MYO16: variants seen among roughly 807,000 people sequenced by gnomAD.
The protein encoded by MYO16 is myosin XVI.
Under a neutral mutation model 205.3 loss-of-function variants are expected in MYO16, and 94 were observed. The observed-to-expected ratio is 0.46, with a 90% CI of 0.39 to 0.54. The LOEUF (loss-of-function observed/expected upper bound fraction) is 0.54. MYO16 is among the 20% of genes least tolerant of loss of function. MYO16 has a pLI of 0.00. For synonymous variants in MYO16, 988 were observed against 954.0 expected (o/e 1.04, Z -0.66); for missense variants, 2,315 against 2,387.5 (o/e 0.97, Z 0.63).
chr13:108,869,731 T>TAAAAAAAAAAAAAAAAAA (rs68025820), intron 12 of MYO16, among the ~76,000 whole-genome samples: 3 of 67,024 alleles, frequency 4.5e-5, no homozygotes, highest in Non-Finnish European at 8.4e-5. Context: ...ACTCCGTTTC[T>TAAAAAAAAAAAAAAAAAA]AAAAAAAAAA....
chr13:108,605,064 G>C (rs1878901978), intron 1 of MYO16, among the ~76,000 whole-genome samples: 1 of 152,208 alleles, frequency 6.6e-6, no homozygotes, highest in Non-Finnish European at 1.5e-5. Flanking sequence ...CATATCGGTA[G>C]TGGCAATGGG....
At chr13:109,023,631 A>C (rs1203779291) in intron 23 of MYO16, among the ~76,000 whole-genome samples, 1 of 119,636 alleles carries the variant, frequency 8.4e-6, no homozygotes. Flanking sequence ...ATATATAGAC[A>C]AATATATATA....
chr13:109,121,572 C>T (rs1237184257), intron 29 of MYO16, among the ~76,000 whole-genome samples: 1 of 152,244 alleles, frequency 6.6e-6, no homozygotes, highest in East Asian at 1.9e-4. Flanking sequence ...TCTCAGTACA[C>T]ATTCTTTGTG....
At chr13:109,018,899 T>C (rs7339078) in intron 22 of MYO16, among the ~76,000 whole-genome samples, 2,593 of 151,788 alleles carry the variant, frequency 0.017, 80 homozygotes, top group African/African-American at 0.06. Flanking sequence ...CTGTCTTCTG[T>C]GTCAATCACA....
At chr13:108,654,224 G>C (rs1031353516) in intron 1 of MYO16, among the ~76,000 whole-genome samples, 4 of 152,132 alleles carry the variant, frequency 2.6e-5, no homozygotes, top group African/African-American at 9.7e-5. Flanking sequence ...TTCCCACCCA[G>C]TTCTCATCTT....
rs113515448 is a variant in MYO16 at position 109,080,966 on chromosome 13, A to C, written c.3336-19819A>C. Reference sequence around the variant, plus strand: ...TTCAATTTCAGTGATCAGAGAAATTATACATAATATCATACTAACAATATT... The same window carrying C: ...TTCAATTTCAGTGATCAGAGAAATTCTACATAATATCATACTAACAATATT... On this transcript the variant is annotated intron_variant, in intron 27 of 34. Coordinates refer to ENST00000457511, the MANE Select transcript of MYO16 (RefSeq NM_001198950.3). 4.6e-3 allele frequency among the ~76,000 whole-genome samples: 703 copies of C among 152,312 alleles called. 6 individuals carry two copies. Among genetic ancestry groups the C allele is most frequent in the African/African-American group, 0.016 (670 of 41,568 alleles).
At position 108,999,201 on chromosome 13, in the gene MYO16, TTGTC is replaced by T. The variant is rs573583320; in HGVS notation, c.2442+6756_2442+6759del. On this transcript the variant is annotated intron_variant, in intron 21 of 34. Coordinates refer to ENST00000457511, the MANE Select transcript of MYO16 (RefSeq NM_001198950.3). The stretch of plus-strand genomic sequence containing the variant: ...ATAGCTATTAGATATCAATATTGAT[TTGTC>T]TGCTGATCAATTGATACACAAATAT... 2.6e-4 allele frequency among the ~76,000 whole-genome samples: 39 copies of T among 152,316 alleles called. No individual in the cohort carries two copies. In the South Asian group the frequency reaches 5.2e-3, roughly 20 times the overall value.
At chr13:108,783,645 A>C (rs1398861018) in intron 4 of MYO16, among the ~76,000 whole-genome samples, 1 of 152,174 alleles carries the variant, frequency 6.6e-6, no homozygotes, top group Non-Finnish European at 1.5e-5. Context: ...TATCTCCCAG[A>C]ATTCCCACGT....
chr13:109,189,037 T>A (rs1189799802), intron 34 of MYO16, among the ~76,000 whole-genome samples: 2 of 151,106 alleles, frequency 1.3e-5, no homozygotes, highest in Non-Finnish European at 2.9e-5. Flanking sequence ...AAGGTTGCAG[T>A]GAGCAGAGAC....
At chr13:109,066,551 G>A (rs1887753362) in intron 27 of MYO16, among the ~76,000 whole-genome samples, 1 of 152,106 alleles carries the variant, frequency 6.6e-6, no homozygotes, top group South Asian at 2.1e-4. Flanking sequence ...ATGTAATAAA[G>A]TATATCTTTA....
chr13:108,547,730 G>A, the MYO16 span, among the ~76,000 whole-genome samples: 10 of 152,300 alleles, frequency 6.6e-5, no homozygotes, highest in African/African-American at 1.7e-4. Flanking sequence ...AATAACAATC[G>A]CCATAGAAAT....
Position 108,820,362 on chromosome 13 carries a change from T to C in MYO16, c.893T>C (p.Met298Thr), listed in dbSNP as rs149704651. The change falls in exon 8 of 35, where the codon ATG (methionine) becomes ACG (threonine). Residue 298 changes from methionine (M) to threonine (T), a missense_variant. This residue lies in a region of MYO16 where 1,213 missense variants were observed against 1,274.4 expected (regional missense o/e 0.95). Coordinates refer to ENST00000457511, the MANE Select transcript of MYO16 (RefSeq NM_001198950.3). The stretch of plus-strand genomic sequence containing the variant: ...ACAAATCTGGTGAAACTTCTCCTGA[T>C]GCATCAGGCAAACCCACACCTCGTG... ...GQTNLVKLLL[M>T]HQANPHLVNC... 21 of 1,605,308 alleles carry C rather than the reference T, an allele frequency of 1.3e-5. No individual in the cohort carries two copies. Among genetic ancestry groups the C allele is most frequent in the Non-Finnish European group, 1.7e-5 (20 of 1,175,598 alleles).
intron 27 of MYO16, among the ~76,000 whole-genome samples, chr13:109,092,254 A>G (rs1888646494): frequency 6.6e-6 from 1 of 152,190 alleles, no homozygotes; most frequent in Non-Finnish European, 1.5e-5. Flanking sequence ...TATATTTTCT[A>G]AGAAAATGAT....
At chr13:108,911,232 C>A (rs951857034) in intron 16 of MYO16, among the ~76,000 whole-genome samples, 1 of 152,120 alleles carries the variant, frequency 6.6e-6, no homozygotes, top group African/African-American at 2.4e-5. Flanking sequence ...ATCTCCAGTT[C>A]TCTCTGCTTT....
At chr13:108,844,886 A>C (rs1877436595) in intron 10 of MYO16, among the ~76,000 whole-genome samples, 1 of 152,102 alleles carries the variant, frequency 6.6e-6, no homozygotes, top group Admixed American at 6.6e-5. Flanking sequence ...TTTATTCTTA[A>C]AAGTAACTGT....
intron 16 of MYO16, among the ~76,000 whole-genome samples, chr13:108,952,111 CAATAAATAAATAAATAAATAAATA>C (rs142142365): frequency 2.2e-5 from 3 of 138,622 alleles, no homozygotes; most frequent in South Asian, 4.8e-4. Flanking sequence ...GACTCCATCT[CAATAAATAAATAAATAAATAAATA>C]AATAAATAAA....
chr13:109,022,822 CAA>C (rs1311895945), intron 23 of MYO16, among the ~76,000 whole-genome samples: 1 of 132,906 alleles, frequency 7.5e-6, no homozygotes, highest in East Asian at 2.1e-4. Flanking sequence ...ATATTATACT[CAA>C]TATATAAACA....
At chr13:108,664,440 G>A (rs1463191081) in intron 1 of MYO16, among the ~76,000 whole-genome samples, 4 of 152,052 alleles carry the variant, frequency 2.6e-5, no homozygotes, top group Non-Finnish European at 1.5e-5. Flanking sequence ...TGCTAAACAG[G>A]GATGTTTATG....
At chr13:109,062,811 A>C (rs563235444) in intron 27 of MYO16, among the ~76,000 whole-genome samples, 11 of 152,166 alleles carry the variant, frequency 7.2e-5, no homozygotes, top group African/African-American at 2.7e-4. Context: ...ATTATAAAAA[A>C]CAAAGCCTTG....
Sources: allele counts gnomAD v4.1 joint callset (sites outside exome capture counted in the v4.1 genomes callset), GRCh38; gene constraint gnomAD v4.1.1; regional missense constraint gnomAD v4.1.1; transcripts MANE v1.5; gene names NCBI Gene and HGNC (gene_info 2026-07-23, HGNC 2026-07-21).